The following BEND7 variants were observed in gnomAD, a reference collection of about 807,000 sequenced individuals.
BEND7 encodes BEN domain-containing protein 7.
A neutral mutation model predicts 50.9 loss-of-function variants in BEND7; 28 were observed. That is an observed-to-expected ratio of 0.55 (90% CI 0.41 to 0.75). The LOEUF (loss-of-function observed/expected upper bound fraction) is 0.75. BEND7 is among the 30% of genes least tolerant of loss of function. The probability of loss-of-function intolerance (pLI) is 0.00; values close to 1 mark genes in which losing one functional copy is unlikely to be tolerated. For missense variants in BEND7, 477 were observed against 491.3 expected (o/e 0.97, Z 0.28); for synonymous variants, 170 against 183.9 (o/e 0.92, Z 0.61).
chr10:13,495,067 C>T (rs916253338), intron 4 of BEND7, among the ~76,000 whole-genome samples: 5 of 152,116 alleles, frequency 3.3e-5, no homozygotes, highest in Admixed American at 6.5e-5. Flanking sequence ...AAAAGGCTTC[C>T]GTCAAGGATT....
chr10:13,493,399 A>C (rs768114983), intron 4 of BEND7, among the ~76,000 whole-genome samples: 1 of 152,188 alleles, frequency 6.6e-6, no homozygotes. Context: ...ATGATTCTAC[A>C]TTAGGGACCA....
chr10:13,487,557 TATA>T (rs1175263938), intron 5 of BEND7, among the ~76,000 whole-genome samples: 6 of 152,064 alleles, frequency 3.9e-5, no homozygotes, highest in South Asian at 4.2e-4. Flanking sequence ...CGGCTAATTT[TATA>T]TTTTTAGTAG....
In BEND7 at chr10:13,487,383, C is replaced by CTT. The variant is rs1282658878; in HGVS notation, c.837+5226_837+5227dup. 1.1e-4 allele frequency among the ~76,000 whole-genome samples: 3 copies of CTT among 26,518 alleles called. 1 individual carries two copies. The highest frequency in any genetic ancestry group is 1.7e-4 in the Non-Finnish European group (2 of 11,888). 17.4% of individuals were successfully genotyped at this position (26,518 alleles called of 152,430 possible). On this transcript the variant is annotated intron_variant, in intron 5 of 8. Coordinates refer to ENST00000466271, the MANE Select transcript of BEND7 (RefSeq NM_001369863.1). ...ACATGGCCTCAATTTCTTTTCTTTTCTTTTCTTTTTTTTTTTTTTTTGAGA... is the reference window on the plus strand; with the variant it reads ...ACATGGCCTCAATTTCTTTTCTTTTCTTTTTTCTTTTTTTTTTTTTTTTGAGA...
At chr10:13,439,146 C>A, downstream of BEND7, 1 of 1,550,240 alleles carries the variant, frequency 6.5e-7, no homozygotes, top group South Asian at 1.2e-5. Context: ...GGGTGATACA[C>A]ACACACATAA....
intron 6 of BEND7, among the ~76,000 whole-genome samples, chr10:13,470,911 G>A (rs1038516569): frequency 6.6e-6 from 1 of 152,204 alleles, no homozygotes; most frequent in African/African-American, 2.4e-5. Flanking sequence ...ATGAGCATGA[G>A]CCTTAAGCAG....
chr10:13,493,066 A>G (rs1228212812), intron 4 of BEND7, among the ~76,000 whole-genome samples, 190 bp from the exon 5 acceptor site: 1 of 152,272 alleles, frequency 6.6e-6, no homozygotes, highest in Non-Finnish European at 1.5e-5. Context: ...TTCAAGTCCT[A>G]AAGGCAGAAA....
chr10:13,501,493 C>T (rs72785321), intron 2 of BEND7, among the ~76,000 whole-genome samples: 1 of 151,870 alleles, frequency 6.6e-6, no homozygotes, highest in Non-Finnish European at 1.5e-5. Flanking sequence ...TGTGCATCAG[C>T]CAGTATCTTC....
intron 4 of BEND7, among the ~76,000 whole-genome samples, chr10:13,495,749 C>T (rs967824403): frequency 2.6e-5 from 4 of 152,168 alleles, no homozygotes; most frequent in African/African-American, 9.7e-5. Flanking sequence ...ATTAATTAAG[C>T]TTTTTATATC....
intron 6 of BEND7, among the ~76,000 whole-genome samples, chr10:13,462,955 C>G (rs1031705401): frequency 1.3e-5 from 2 of 152,230 alleles, no homozygotes; most frequent in African/African-American, 4.8e-5. Flanking sequence ...TCCACAACAA[C>G]TGAATCTAGA....
intron 3 of BEND7, among the ~76,000 whole-genome samples, chr10:13,498,812 T>C (rs2077226552): frequency 1.3e-5 from 2 of 152,208 alleles, no homozygotes; most frequent in East Asian, 1.9e-4. Context: ...TACTGGCTTA[T>C]GTACTACTGA....
In BEND7 at chr10:13,481,013, A is replaced by G. The variant is rs1227781540; in HGVS notation, c.949T>C (p.Cys317Arg). The G allele has an allele frequency of 6.2e-7, 1 of 1,614,198 alleles. No homozygotes were observed. Among genetic ancestry groups the G allele is most frequent in the Admixed American group, 1.7e-5 (1 of 60,020 alleles). The part of the protein sequence containing the change: ...SGSLLFRKLV[C>R]AFFDDKTLAN... Reference sequence around the variant, plus strand: ...AAAGTCTTGTCATCAAAAAACGCACACACCAGTTTTCTAAACAGAAGGCTT... The same window carrying G: ...AAAGTCTTGTCATCAAAAAACGCACGCACCAGTTTTCTAAACAGAAGGCTT... The change falls in exon 6 of 9, where the codon TGT (cysteine) becomes CGT (arginine). Residue 317 changes from cysteine to arginine, a missense_variant. Coordinates refer to ENST00000466271, the MANE Select transcript of BEND7 (RefSeq NM_001369863.1).
chr10:13,508,780 A>T (rs1268666717), intron 2 of BEND7, among the ~76,000 whole-genome samples: 5 of 152,258 alleles, frequency 3.3e-5, no homozygotes, highest in Non-Finnish European at 7.3e-5. Flanking sequence ...AAAATGTAAT[A>T]CACAGTCTCT....
rs139849275 is a variant in BEND7, at chr10:13,497,446, A to G, written c.449-558T>C. On this transcript the variant is annotated intron_variant, in intron 3 of 8. Coordinates refer to ENST00000466271, the MANE Select transcript of BEND7 (RefSeq NM_001369863.1). Reference sequence around the variant, plus strand: ...TGGCGTTTGGGGTGGGGAAGCACAGAGGAGCAGGGATGGGAGGATATATTC... The same window carrying G: ...TGGCGTTTGGGGTGGGGAAGCACAGGGGAGCAGGGATGGGAGGATATATTC... Among the ~76,000 whole-genome samples, 165 of 152,346 alleles carry G rather than the reference A, an allele frequency of 1.1e-3. 3 individuals carry two copies. In the East Asian group the frequency reaches 0.03, roughly 28 times the overall value.
chr10:13,512,657 C>T (rs1197089058), intron 2 of BEND7, among the ~76,000 whole-genome samples: 11 of 152,160 alleles, frequency 7.2e-5, no homozygotes, highest in Admixed American at 7.2e-4. Context: ...CCACATCTAC[C>T]TCATGGATCA....
At chr10:13,491,332 AT>A (rs777460606) in intron 5 of BEND7, among the ~76,000 whole-genome samples, 7 of 150,670 alleles carry the variant, frequency 4.6e-5, no homozygotes, top group African/African-American at 1.7e-4. Flanking sequence ...AAAAAAAAAA[AT>A]GCTTAGAAAA....
intron 6 of BEND7, among the ~76,000 whole-genome samples, chr10:13,462,167 T>C (rs1379309603): frequency 6.6e-6 from 1 of 152,156 alleles, no homozygotes; most frequent in African/African-American, 2.4e-5. Context: ...AAATTAAACA[T>C]ATAGTATCTT....
At chr10:13,465,065 C>A (rs568249441) in intron 6 of BEND7, among the ~76,000 whole-genome samples, 4 of 152,288 alleles carry the variant, frequency 2.6e-5, no homozygotes, top group Admixed American at 2.0e-4. Context: ...AAGCTCAAAG[C>A]AAGGGCAGAG....
intron 2 of BEND7, among the ~76,000 whole-genome samples, chr10:13,523,626 C>A (rs1009576182): frequency 5.3e-5 from 8 of 152,132 alleles, no homozygotes; most frequent in Non-Finnish European, 8.8e-5. Context: ...ATAAGCTTCC[C>A]ATATAATTCT....
At chr10:13,511,898 G>A (rs1394158901) in intron 2 of BEND7, among the ~76,000 whole-genome samples, 1 of 152,164 alleles carries the variant, frequency 6.6e-6, no homozygotes, top group East Asian at 1.9e-4. Flanking sequence ...CTACTAAGCT[G>A]CTCAAGGAAC....
Sources: gnomAD v4.1 joint callset for allele counts (sites outside exome capture counted in the v4.1 genomes callset) on GRCh38, gnomAD v4.1.1 for gene constraint, MANE v1.5 for transcripts, NCBI Gene and HGNC (gene_info 2026-07-23, HGNC 2026-07-21) for gene names.